TRPS1: variants seen among roughly 807,000 people sequenced by gnomAD.
The protein encoded by TRPS1 is zinc finger transcription factor Trps1.
Under a neutral mutation model 101.2 loss-of-function variants are expected in TRPS1, and 6 were observed. The ratio of observed to expected loss-of-function variants is 0.06; its 90% CI spans 0.03 to 0.12. The LOEUF (loss-of-function observed/expected upper bound fraction) is 0.12. TRPS1 is among the 10% of genes least tolerant of loss of function. The probability of loss-of-function intolerance (pLI) is 1.00; values close to 1 mark genes in which losing one functional copy is unlikely to be tolerated. For missense variants in TRPS1, 1,363 were observed against 1,567.0 expected (o/e 0.87, Z 2.20); for synonymous variants, 578 against 589.8 (o/e 0.98, Z 0.29).
chr8:115,602,216 C>G (rs1329812680), intron 4 of TRPS1, among the ~76,000 whole-genome samples: 1 of 151,890 alleles, frequency 6.6e-6, no homozygotes, highest in Non-Finnish European at 1.5e-5. Context: ...TGGCTGGTTT[C>G]CTCATGATTA....
At chr8:115,533,461 C>CTTTTTTTTTTTTTTTA (rs1381965854) in intron 5 of TRPS1, among the ~76,000 whole-genome samples, 1 of 14,278 alleles carries the variant, frequency 7.0e-5, no homozygotes, top group Non-Finnish European at 1.2e-4. Flanking sequence ...TTTTTTTTTC[C>CTTTTTTTTTTTTTTTA]TGAAAAAAAT....
At chr8:115,512,845 T>C (rs1815618849) in intron 5 of TRPS1, among the ~76,000 whole-genome samples, 1 of 151,714 alleles carries the variant, frequency 6.6e-6, no homozygotes, top group African/African-American at 2.4e-5. Flanking sequence ...AAAAGACATA[T>C]CAATATACAT....
chr8:115,570,278 A>G (rs1160226780), intron 5 of TRPS1, among the ~76,000 whole-genome samples: 2 of 152,168 alleles, frequency 1.3e-5, no homozygotes, highest in African/African-American at 4.8e-5. Context: ...GTAATAATTT[A>G]CTAATTCATC....
chr8:115,612,260 A>G (rs1479553541), intron 3 of TRPS1, among the ~76,000 whole-genome samples: 1 of 151,972 alleles, frequency 6.6e-6, no homozygotes, highest in Admixed American at 6.6e-5. Context: ...AAGGAGAGGA[A>G]GATGAGGAGG....
chr8:115,663,070 C>T (rs927841313), intron 1 of TRPS1, among the ~76,000 whole-genome samples: 4 of 152,052 alleles, frequency 2.6e-5, no homozygotes, highest in African/African-American at 9.6e-5. Context: ...TTCCCCAAAA[C>T]CCAAAAACTG....
At chr8:115,621,988 T>C (rs1471669807) in intron 2 of TRPS1, among the ~76,000 whole-genome samples, 1 of 151,796 alleles carries the variant, frequency 6.6e-6, no homozygotes, top group African/African-American at 2.4e-5. Flanking sequence ...ACATCAATAA[T>C]GTTATTCGCC....
At chr8:115,662,307 T>C (rs1325654978) in intron 1 of TRPS1, among the ~76,000 whole-genome samples, 2 of 151,958 alleles carry the variant, frequency 1.3e-5, no homozygotes, top group Non-Finnish European at 2.9e-5. Flanking sequence ...TTTCACTATA[T>C]ATATTATTCC....
chr8:115,646,379 A>C (rs1466735256), intron 1 of TRPS1, among the ~76,000 whole-genome samples: 1 of 152,230 alleles, frequency 6.6e-6, no homozygotes, highest in Non-Finnish European at 1.5e-5. Context: ...ATAGCTGGAC[A>C]GAAGTCTATT....
chr8:115,625,046 T>C (rs1818475311), intron 1 of TRPS1, among the ~76,000 whole-genome samples: 1 of 151,898 alleles, frequency 6.6e-6, no homozygotes, highest in Non-Finnish European at 1.5e-5. Context: ...ACTAAATAAA[T>C]CAACTATCAC....
chr8:115,498,415 C>CTCTCTCTCTATATA (rs1486361297), intron 5 of TRPS1, among the ~76,000 whole-genome samples: 1 of 39,310 alleles, frequency 2.5e-5, no homozygotes, highest in Non-Finnish European at 4.4e-5. Context: ...CTCTCTCTCT[C>CTCTCTCTCTATATA]TATATATATA....
At chr8:115,516,937 A>G (rs1163722370) in intron 5 of TRPS1, among the ~76,000 whole-genome samples, 5 of 151,574 alleles carry the variant, frequency 3.3e-5, no homozygotes, top group Non-Finnish European at 7.4e-5. Flanking sequence ...TTAAAAAAGT[A>G]AAGGGTAGGG....
At chr8:115,473,435 C>T (rs1814522564) in intron 5 of TRPS1, among the ~76,000 whole-genome samples, 1 of 152,180 alleles carries the variant, frequency 6.6e-6, no homozygotes, top group Admixed American at 6.5e-5. Flanking sequence ...CAGGTCCCTC[C>T]CATGAGACTT....
chr8:115,627,833 T>G (rs1198222280), intron 1 of TRPS1, among the ~76,000 whole-genome samples: 1 of 151,808 alleles, frequency 6.6e-6, no homozygotes, highest in Non-Finnish European at 1.5e-5. Flanking sequence ...TGTCAATCAC[T>G]GCAAATCCAT....
At chr8:115,650,293 AG>A (rs1811530171) in intron 1 of TRPS1, among the ~76,000 whole-genome samples, 1 of 152,248 alleles carries the variant, frequency 6.6e-6, no homozygotes. Context: ...ACATCAGAAA[AG>A]CATGTTGGTA....
intron 5 of TRPS1, among the ~76,000 whole-genome samples, chr8:115,505,893 T>C (rs540856238): frequency 1.3e-5 from 2 of 152,198 alleles, no homozygotes; most frequent in East Asian, 3.9e-4. Context: ...GTGTTTGAAA[T>C]GCTTTCCTCT....
At chr8:115,424,118 T>C (rs1813133931) in intron 5 of TRPS1, among the ~76,000 whole-genome samples, 1 of 152,248 alleles carries the variant, frequency 6.6e-6, no homozygotes, top group South Asian at 2.1e-4. Context: ...TGAAACCATG[T>C]AATTACATAA....
intron 4 of TRPS1, among the ~76,000 whole-genome samples, chr8:115,596,285 T>A (rs1817782686): frequency 6.6e-6 from 1 of 151,958 alleles, no homozygotes; most frequent in Non-Finnish European, 1.5e-5. Flanking sequence ...ATAATTATAT[T>A]ACTGAGTTTG....
intron 5 of TRPS1, among the ~76,000 whole-genome samples, chr8:115,476,753 T>C (rs948767739): frequency 3.3e-5 from 5 of 152,170 alleles, no homozygotes; most frequent in African/African-American, 4.8e-5. Context: ...AATGTTTGAA[T>C]CTCAAAAGGA....
intron 5 of TRPS1, among the ~76,000 whole-genome samples, chr8:115,563,857 T>TA (rs1279887443): frequency 1.3e-5 from 2 of 152,128 alleles, no homozygotes; most frequent in East Asian, 1.9e-4. Flanking sequence ...GTCTTGGGTT[T>TA]ATTTAACATT....
Sources: allele counts gnomAD v4.1 joint callset (sites outside exome capture counted in the v4.1 genomes callset), GRCh38; gene constraint gnomAD v4.1.1; transcripts MANE v1.5; gene names NCBI Gene and HGNC (gene_info 2026-07-23, HGNC 2026-07-21).